Variants in SPNS2 observed in about 807,000 individuals in gnomAD.
The protein encoded by SPNS2 is SPNS lysolipid transporter 2, sphingosine-1-phosphate.
A neutral mutation model predicts 57.6 loss-of-function variants in SPNS2; 37 were observed. The ratio of observed to expected loss-of-function variants is 0.64; its 90% CI spans 0.49 to 0.85. The LOEUF is 0.85. SPNS2 is among the 40% of genes least tolerant of loss of function. The pLI is 0.00. For missense variants in SPNS2, 831 were observed against 779.1 expected, an observed-to-expected ratio of 1.07 and a Z score of -0.79; for synonymous variants, 440 against 346.9, an observed-to-expected ratio of 1.27 and a Z score of -2.98.
At position 4,538,067 on chromosome 17, in the gene SPNS2, TCTCA is replaced by T. The variant is rs377103240; in HGVS notation, c.*622_*625del. The T allele has an allele frequency of 6.7e-4, 230 of 341,304 alleles. No homozygotes were observed. Among genetic ancestry groups the T allele is most frequent in the African/African-American group, 4.6e-3 (215 of 46,646 alleles). The allele number at this position is 341,304 out of a possible 1,614,324, so 21.1% of individuals were successfully genotyped here. ...TCTGGGTACTCCCTGGAGGACACTG[TCTCA>T]CTGTCTCGGGTTGGCTCCCAGCCTG... On this transcript the variant is annotated 3_prime_UTR_variant, in exon 13 of 13. Coordinates refer to ENST00000329078, the MANE Select transcript of SPNS2 (RefSeq NM_001124758.3).
At chr17:4,517,503 A>G (rs1363674454) in intron 2 of SPNS2, among the ~76,000 whole-genome samples, 1 of 152,206 alleles carries the variant, frequency 6.6e-6, no homozygotes, top group Non-Finnish European at 1.5e-5. Context: ...ACTAAAATAC[A>G]TAAATTAGCT....
intron 2 of SPNS2, among the ~76,000 whole-genome samples, chr17:4,523,336 G>A (rs1905185801): frequency 6.6e-6 from 1 of 152,142 alleles, no homozygotes; most frequent in Admixed American, 6.5e-5. Context: ...TACTCAAGAG[G>A]CTAAGGCAGG....
At position 4,536,322 on chromosome 17, in the gene SPNS2, G is replaced by T; in HGVS notation, c.1503G>T (p.Leu501=). 6.2e-7 allele frequency: 1 copy of T among 1,612,320 alleles called. No homozygotes were observed. The part of the protein sequence containing the change: ...KDSPLWEFLS[L]GYALMLCPFV... ...CCCCGCTCTGGGAGTTCCTGAGCCT[G>T]GGCTACGCGCTCATGCTCTGCCCTT... Residue 501 remains leucine, a synonymous_variant, in exon 11 of 13, where the codon CTG becomes CTT. Coordinates refer to ENST00000329078, the MANE Select transcript of SPNS2 (RefSeq NM_001124758.3).
chr17:4,518,502 G>A (rs1175045687), intron 2 of SPNS2, among the ~76,000 whole-genome samples: 2 of 152,204 alleles, frequency 1.3e-5, no homozygotes, highest in Non-Finnish European at 1.5e-5. Flanking sequence ...CAGCCTGGGC[G>A]ACAGAGCGAG....
chr17:4,531,940 A>G (rs73335842), intron 5 of SPNS2, among the ~76,000 whole-genome samples: 12,619 of 152,188 alleles, frequency 0.083, 729 homozygotes, highest in African/African-American at 0.14. Flanking sequence ...CCCCCACCAA[A>G]TGCCAGCCCA....
At chr17:4,507,607 G>A (rs758908053) in intron 1 of SPNS2, among the ~76,000 whole-genome samples, 20 of 152,232 alleles carry the variant, frequency 1.3e-4, no homozygotes, top group Non-Finnish European at 2.5e-4. Flanking sequence ...AGGTCACACA[G>A]CAGAGAAAGT....
chr17:4,536,255 C>T lies in SPNS2; in HGVS notation c.1444-8C>T, dbSNP rs372664153. ...TCTGCCCTGACATCCACCCCCAAAT[C>T]CTCGCAGATCTCAGACCTGATCCGC... On this transcript the variant is annotated splice_region_variant and splice_polypyrimidine_tract_variant and intron_variant, in intron 10 of 12. Transcript: ENST00000329078. 1.3e-5 allele frequency: 21 copies of T among 1,611,232 alleles called. 1 individual carries two copies. The highest frequency in any genetic ancestry group is 2.7e-5 in the African/African-American group (2 of 75,000).
chr17:4,505,524 G>T (rs926170821), intron 1 of SPNS2, among the ~76,000 whole-genome samples: 2 of 152,228 alleles, frequency 1.3e-5, no homozygotes, highest in East Asian at 3.9e-4. Flanking sequence ...CAATGAGGCC[G>T]CGCAACCCCC....
intron 1 of SPNS2, among the ~76,000 whole-genome samples, chr17:4,509,974 G>C (rs1027416713): frequency 2.0e-5 from 3 of 152,196 alleles, no homozygotes; most frequent in South Asian, 2.1e-4. Context: ...TCAGCCTCCA[G>C]GAAAGAGGCT....
chr17:4,528,042 G>T (rs1022025380), intron 3 of SPNS2, among the ~76,000 whole-genome samples: 3 of 150,116 alleles, frequency 2.0e-5, no homozygotes, highest in Non-Finnish European at 4.4e-5. Flanking sequence ...TTTTTTTTTA[G>T]ACGGAGTTTC....
Position 4,499,647 on chromosome 17 carries a change from A to C in SPNS2, c.370+230A>C, listed in dbSNP as rs1256018598. On this transcript the variant is annotated intron_variant, in intron 1 of 12. Coordinates refer to ENST00000329078, the MANE Select transcript of SPNS2 (RefSeq NM_001124758.3). This position sits in a 1 kb window ranked among gnomAD's most constrained non-coding sequence, Gnocchi z 5.2. ...CACACCCGGGGCCAAGGGATAGAGG[A>C]GTCCCCACCCCTGGAGCAGCCCGCG... 2.6e-6 allele frequency: 1 copy of C among 377,788 alleles called. No individual in the cohort carries two copies. Among genetic ancestry groups the C allele is most frequent in the Non-Finnish European group, 4.7e-6 (1 of 212,486 alleles). The allele number at this position is 377,788 out of a possible 1,614,324, so 23.4% of individuals were successfully genotyped here.
intron 3 of SPNS2, 87 bp from the exon 4 acceptor site, chr17:4,530,545 G>A: frequency 2.0e-6 from 3 of 1,502,486 alleles, no homozygotes; most frequent in Non-Finnish European, 2.7e-6. Flanking sequence ...CCTGGGCCCT[G>A]CAGGGGGAGG....
At chr17:4,522,124 G>A (rs931133450) in intron 2 of SPNS2, among the ~76,000 whole-genome samples, 4 of 152,168 alleles carry the variant, frequency 2.6e-5, no homozygotes, top group African/African-American at 7.2e-5. Flanking sequence ...GCTTGAACCC[G>A]GGAGGCAGAG....
At chr17:4,536,729 C>T (rs531685904) in intron 11 of SPNS2, 171 bp from the exon 12 acceptor site, 4 of 652,408 alleles carry the variant, frequency 6.1e-6, no homozygotes, top group African/African-American at 5.5e-5. Context: ...CTCTTTACTC[C>T]TCTCTCTCTC....
intron 2 of SPNS2, among the ~76,000 whole-genome samples, chr17:4,518,441 T>A (rs1429370897): frequency 6.6e-6 from 1 of 152,204 alleles, no homozygotes; most frequent in African/African-American, 2.4e-5. Context: ...GGGAATGGCA[T>A]GAACCCAGGA....
intron 3 of SPNS2, among the ~76,000 whole-genome samples, chr17:4,525,755 C>G (rs1023026128): frequency 6.6e-6 from 1 of 152,204 alleles, no homozygotes; most frequent in Non-Finnish European, 1.5e-5. Flanking sequence ...GTCTCTGAGC[C>G]TCAGTTTCCT....
chr17:4,509,449 A>G (rs1904771786), intron 1 of SPNS2, among the ~76,000 whole-genome samples: 1 of 152,252 alleles, frequency 6.6e-6, no homozygotes, highest in Non-Finnish European at 1.5e-5. Flanking sequence ...CAAAACAACA[A>G]CAAATGCTGT....
chr17:4,499,042 G>C lies in SPNS2; in HGVS notation c.-6G>C. On this transcript the variant is annotated 5_prime_UTR_variant, in exon 1 of 13. Coordinates refer to ENST00000329078, the MANE Select transcript of SPNS2 (RefSeq NM_001124758.3). The surrounding 1 kb of genome is among the most constrained non-coding windows in gnomAD (Gnocchi z 5.2). Reference sequence around the variant, plus strand: ...CGCGCCCCCCGCCGCCCCGATCCGGGCCGGCATGATGTGCCTGGAATGCGC... The same window carrying C: ...CGCGCCCCCCGCCGCCCCGATCCGGCCCGGCATGATGTGCCTGGAATGCGC... 9.9e-7 allele frequency: 1 copy of C among 1,008,104 alleles called. No individual in the cohort carries two copies. Among genetic ancestry groups the C allele is most frequent in the South Asian group, 4.5e-5 (1 of 22,282 alleles). The allele number at this position is 1,008,104 out of a possible 1,614,324, so 62.4% of individuals were successfully genotyped here. A position where few individuals can be genotyped will look rare whatever the true frequency, so the allele number is the denominator to read the frequency against.
chr17:4,529,863 C>T (rs1905386629), intron 3 of SPNS2, among the ~76,000 whole-genome samples: 1 of 152,042 alleles, frequency 6.6e-6, no homozygotes, highest in Non-Finnish European at 1.5e-5. Flanking sequence ...CACCTGCAGG[C>T]ACAGCAAGCC....
Sources: allele counts gnomAD v4.1 joint callset (sites outside exome capture counted in the v4.1 genomes callset), GRCh38; gene constraint gnomAD v4.1.1; non-coding constraint Gnocchi (gnomAD v3.1); transcripts MANE v1.5; gene names NCBI Gene and HGNC (gene_info 2026-07-23, HGNC 2026-07-21).